Variants in PTPRR observed in about 807,000 individuals in gnomAD.
The protein encoded by PTPRR is protein tyrosine phosphatase receptor type R, also known as receptor-type tyrosine-protein phosphatase R.
In PTPRR, 38 loss-of-function variants were observed where a neutral mutation model predicts 77.2. That is an observed-to-expected ratio of 0.49 (90% CI 0.38 to 0.65). The LOEUF is 0.65. PTPRR is among the 30% of genes least tolerant of loss of function. The pLI, the probability that PTPRR is intolerant of heterozygous loss-of-function variation, is 0.00. For missense variants in PTPRR, 744 were observed against 799.2 expected (o/e 0.93, Z 0.83); for synonymous variants, 299 against 283.1 (o/e 1.06, Z -0.57).
chr12:70,903,180 C>T (rs1255852630), intron 1 of PTPRR, among the ~76,000 whole-genome samples: 2 of 151,626 alleles, frequency 1.3e-5, no homozygotes, highest in African/African-American at 4.8e-5. Flanking sequence ...ATTTTGAGAT[C>T]TATTGCACAG....
chr12:70,917,438 C>T (rs1259813920), intron 1 of PTPRR, among the ~76,000 whole-genome samples: 1 of 152,122 alleles, frequency 6.6e-6, no homozygotes, highest in Non-Finnish European at 1.5e-5. Context: ...ATTTTCTCAC[C>T]TGTAAAATAA....
chr12:70,914,448 C>A (rs1893744928), intron 1 of PTPRR, among the ~76,000 whole-genome samples: 1 of 152,234 alleles, frequency 6.6e-6, no homozygotes, highest in Middle Eastern at 3.4e-3. Context: ...AAATAAGGAT[C>A]TGTCTCAAGG....
At chr12:70,665,912 A>G (rs1886976569) in intron 10 of PTPRR, among the ~76,000 whole-genome samples, 1 of 152,236 alleles carries the variant, frequency 6.6e-6, no homozygotes, top group African/African-American at 2.4e-5. Context: ...AGTAAATAAA[A>G]TCTTCATACT....
intron 2 of PTPRR, among the ~76,000 whole-genome samples, chr12:70,860,652 T>A (rs915592459): frequency 6.6e-6 from 1 of 152,180 alleles, no homozygotes; most frequent in Non-Finnish European, 1.5e-5. Context: ...GAGACCCAGC[T>A]CCATGTAGTG....
rs151320383 is a variant in PTPRR at position 70,892,797 on chromosome 12, A to G, written c.239T>C (p.Ile80Thr). The G allele has an allele frequency of 2.0e-4, 324 of 1,613,562 alleles. 3 individuals are homozygous for G. Among genetic ancestry groups the G allele is most frequent in the South Asian group, 9.4e-4 (86 of 91,072 alleles). ...SEAQVSKRHQ[I>T]VNSAFPRPAY... ...GGGTCTAGGAAATGCTGAATTGACA[A>G]TCTGGTGGCGTTTGCTTACTTGAGC... is the stretch of plus-strand genomic sequence containing the variant. Residue 80 changes from isoleucine (I) to threonine (T), a missense_variant, in exon 2 of 14, where the codon ATT (isoleucine) becomes ACT (threonine). Around this residue, in one of 3 missense-constraint regions of PTPRR, gnomAD observed 570 missense variants for 573.2 expected, o/e 0.99. Coordinates refer to ENST00000283228, the MANE Select transcript of PTPRR (RefSeq NM_002849.4).
At position 70,719,301 on chromosome 12, in the gene PTPRR, C is replaced by A. The variant is rs1889152170; in HGVS notation, c.1008-17978G>T. Among the ~76,000 whole-genome samples the A allele has an allele frequency of 3.3e-5, 5 of 152,102 alleles. No homozygotes were observed. The South Asian group carries it at 6.2e-4, about 19-fold the overall frequency. On this transcript the variant is annotated intron_variant, in intron 6 of 13. Coordinates refer to ENST00000283228, the MANE Select transcript of PTPRR (RefSeq NM_002849.4). ...TACTGCCAATTCGCTCCTAGGCTGTCCTCGATAAGGCATGCCGTAGGATTA... is the reference window on the plus strand; with the variant it reads ...TACTGCCAATTCGCTCCTAGGCTGTACTCGATAAGGCATGCCGTAGGATTA...
intron 1 of PTPRR, among the ~76,000 whole-genome samples, chr12:70,904,633 T>G (rs1013048786): frequency 6.6e-6 from 1 of 151,936 alleles, no homozygotes; most frequent in Admixed American, 6.6e-5. Flanking sequence ...AATCTATACA[T>G]GTGTGAAAAT....
intron 2 of PTPRR, 42 bp downstream of exon 2, chr12:70,892,637 G>C (rs1893356986): frequency 6.3e-7 from 1 of 1,595,470 alleles, no homozygotes; most frequent in Non-Finnish European, 8.6e-7. Flanking sequence ...TGACAGGAAA[G>C]AATCAACATC....
intron 10 of PTPRR, among the ~76,000 whole-genome samples, chr12:70,679,661 A>AT (rs1887584239): frequency 6.6e-6 from 1 of 151,506 alleles, no homozygotes. Flanking sequence ...CTTTTTTGTG[A>AT]TTTTTGATTT....
chr12:70,765,828 C>T (rs979869487), intron 2 of PTPRR, among the ~76,000 whole-genome samples: 8 of 152,142 alleles, frequency 5.3e-5, no homozygotes, highest in East Asian at 1.9e-4. Flanking sequence ...TCAAGAGGAA[C>T]GATCAGACAG....
At position 70,639,041 on chromosome 12, in the gene PTPRR, G is replaced by T. The variant is rs1256434952; in HGVS notation, c.*143C>A. 4 of 681,404 alleles carry T rather than the reference G, an allele frequency of 5.9e-6. No individual in the cohort carries two copies. The East Asian group carries it at 7.6e-5, about 13-fold the overall frequency. 42.2% of individuals were successfully genotyped at this position (681,404 alleles called of 1,614,324 possible). On this transcript the variant is annotated 3_prime_UTR_variant, in exon 14 of 14. Coordinates refer to ENST00000283228, the MANE Select transcript of PTPRR (RefSeq NM_002849.4). ...AGGAGCTGGAAATCTTAAATATGTTGCCCAGTCTTCCACAATCCATGCCAT... is the reference window on the plus strand; with the variant it reads ...AGGAGCTGGAAATCTTAAATATGTTTCCCAGTCTTCCACAATCCATGCCAT...
At chr12:70,837,820 AGTCCCAATCCTCTAATCCTGCCTTG>A (rs1892331153) in intron 2 of PTPRR, among the ~76,000 whole-genome samples, 1 of 152,066 alleles carries the variant, frequency 6.6e-6, no homozygotes, top group Non-Finnish European at 1.5e-5. Context: ...TGGGGCTGAA[AGTCCCAATCCTCTAATCCTGCCTTG>A]GTTTCCTGGG....
At chr12:70,754,717 A>C (rs1390933584) in intron 4 of PTPRR, 1 of 1,587,890 alleles carries the variant, frequency 6.3e-7, no homozygotes, top group African/African-American at 1.3e-5. Flanking sequence ...CTTTACTTTT[A>C]AACAAAAGTG....
At chr12:70,759,785 C>T (rs553475296) in intron 4 of PTPRR, among the ~76,000 whole-genome samples, 3 of 150,156 alleles carry the variant, frequency 2.0e-5, no homozygotes, top group Non-Finnish European at 3.0e-5. Context: ...ATAGATCTAT[C>T]GAGTTTAGAA....
At chr12:70,917,594 C>G (rs1442410147) in intron 1 of PTPRR, among the ~76,000 whole-genome samples, 1 of 152,132 alleles carries the variant, frequency 6.6e-6, no homozygotes, top group Admixed American at 6.5e-5. Context: ...GCCACTTACA[C>G]AGCATGGTAC....
chr12:70,733,157 C>T (rs1482894869), intron 6 of PTPRR, among the ~76,000 whole-genome samples: 2 of 151,946 alleles, frequency 1.3e-5, no homozygotes, highest in South Asian at 2.1e-4. Flanking sequence ...CAAATGTATA[C>T]ACTATAAGAC....
At chr12:70,689,727 C>T (rs17814434) in intron 8 of PTPRR, among the ~76,000 whole-genome samples, 3,838 of 152,190 alleles carry the variant, frequency 0.025, 72 homozygotes, top group Non-Finnish European at 0.04. Flanking sequence ...GGCTATACAG[C>T]GCCCTAAAAG....
intron 2 of PTPRR, among the ~76,000 whole-genome samples, chr12:70,845,380 T>C (rs768581826): frequency 1.3e-4 from 20 of 152,310 alleles, no homozygotes; most frequent in South Asian, 2.1e-4. Flanking sequence ...AGGGATTGCA[T>C]TGGACAGAGC....
Position 70,708,654 on chromosome 12 carries a change from G to A in PTPRR, c.1008-7331C>T, listed in dbSNP as rs185609990. ...CTTTCAACAAAATAACAAAATGATAGTAGTTCTATTTTTAGTTCCTAAGTT... is the reference window on the plus strand; with the variant it reads ...CTTTCAACAAAATAACAAAATGATAATAGTTCTATTTTTAGTTCCTAAGTT... On this transcript the variant is annotated intron_variant, in intron 6 of 13. Transcript: ENST00000283228. 3.6e-3 allele frequency among the ~76,000 whole-genome samples: 552 copies of A among 151,834 alleles called. 3 individuals carry two copies. Among genetic ancestry groups the A allele is most frequent in the African/African-American group, 0.013 (543 of 41,432 alleles).
Sources: allele counts gnomAD v4.1 joint callset (sites outside exome capture counted in the v4.1 genomes callset), GRCh38; gene constraint gnomAD v4.1.1; regional missense constraint gnomAD v4.1.1; transcripts MANE v1.5; gene names NCBI Gene and HGNC (gene_info 2026-07-23, HGNC 2026-07-21).